Variants in NR6A1 observed in about 807,000 individuals in gnomAD.
The protein encoded by NR6A1 is retinoic acid receptor-related testis-associated receptor.
NR6A1 carries 7 observed loss-of-function variants against 59.1 expected under a neutral mutation model. That is an observed-to-expected ratio of 0.12 (90% CI 0.07 to 0.22). The LOEUF is 0.22. Ranked by LOEUF, NR6A1 falls within the 10% of genes least tolerant of loss-of-function variation. The pLI is 1.00. For missense variants in NR6A1, 468 were observed against 611.6 expected (o/e 0.77, Z 2.48); for synonymous variants, 243 against 236.1 (o/e 1.03, Z -0.27).
intron 1 of NR6A1, among the ~76,000 whole-genome samples, chr9:124,748,542 C>T (rs1434395726): frequency 6.6e-6 from 1 of 152,118 alleles, no homozygotes; most frequent in African/African-American, 2.4e-5. Flanking sequence ...ATAGGCATTT[C>T]CCCGATCTAA....
intron 2 of NR6A1, among the ~76,000 whole-genome samples, chr9:124,590,167 G>A (rs1330608068): frequency 1.3e-5 from 2 of 149,768 alleles, no homozygotes; most frequent in Admixed American, 6.7e-5. Flanking sequence ...TTTCGCTAAT[G>A]GTAAATAGGA....
At chr9:124,688,755 C>T (rs1411208188) in intron 2 of NR6A1, among the ~76,000 whole-genome samples, 1 of 152,142 alleles carries the variant, frequency 6.6e-6, no homozygotes, top group Non-Finnish European at 1.5e-5. Context: ...GACAAACCCA[C>T]CAAGGAGGTG....
chr9:124,523,162 T>G (rs1001088236), intron 9 of NR6A1, among the ~76,000 whole-genome samples: 2 of 152,240 alleles, frequency 1.3e-5, no homozygotes, highest in Non-Finnish European at 2.9e-5. Context: ...AAAACTTCTG[T>G]CCTGTTTTCT....
At chr9:124,754,231 T>C (rs961577210) in intron 1 of NR6A1, among the ~76,000 whole-genome samples, 8 of 152,320 alleles carry the variant, frequency 5.3e-5, no homozygotes, top group East Asian at 1.9e-4. Context: ...TTGTGAGTAA[T>C]AGGCACTTTA....
rs569947670 is a variant in NR6A1, at chr9:124,691,035, AT to A, written c.142+42272del. On this transcript the variant is annotated intron_variant, in intron 2 of 9. Coordinates refer to ENST00000487099, the MANE Select transcript of NR6A1 (RefSeq NM_033334.4). ...AAGGTTTGGTGAAGTCAAAATCAGT[AT>A]TTTTTTTAAAGTCTAAATATTTATC... 1.9e-3 allele frequency among the ~76,000 whole-genome samples: 294 copies of A among 152,180 alleles called. 2 individuals are homozygous for A. The highest frequency in any genetic ancestry group is 0.018 in the South Asian group (88 of 4,818).
intron 4 of NR6A1, among the ~76,000 whole-genome samples, chr9:124,541,757 A>G (rs1487738367): frequency 6.6e-6 from 1 of 152,258 alleles, no homozygotes; most frequent in Non-Finnish European, 1.5e-5. Context: ...ATTATTCAAA[A>G]TAGTCAAGAA....
At chr9:124,676,014 A>G (rs932693665) in intron 2 of NR6A1, among the ~76,000 whole-genome samples, 2 of 152,132 alleles carry the variant, frequency 1.3e-5, no homozygotes, top group African/African-American at 4.8e-5. Context: ...ATAGATACCC[A>G]CGCTAAGAGA....
In NR6A1 at chr9:124,679,009, C is replaced by A. The variant is rs1838043502; in HGVS notation, c.142+54299G>T. Among the ~76,000 whole-genome samples the A allele has an allele frequency of 5.3e-5, 8 of 152,014 alleles. No individual in the cohort carries two copies. In the South Asian group the frequency reaches 1.7e-3, roughly 32 times the overall value. On this transcript the variant is annotated intron_variant, in intron 2 of 9. Transcript: ENST00000487099. ...GGTAGGAGGTTTGCTTGGAAACTAG[C>A]CTAAGCAACACAGCAAGACCCCTGT...
At chr9:124,696,480 A>T (rs1162529522) in intron 2 of NR6A1, among the ~76,000 whole-genome samples, 1 of 151,490 alleles carries the variant, frequency 6.6e-6, no homozygotes, top group African/African-American at 2.4e-5. Flanking sequence ...ATTTATACTT[A>T]GAGAAAATAA....
intron 2 of NR6A1, among the ~76,000 whole-genome samples, chr9:124,667,939 A>T (rs1282216862): frequency 6.6e-6 from 1 of 152,202 alleles, no homozygotes; most frequent in African/African-American, 2.4e-5. Context: ...ATTTCCTTCT[A>T]GTCTCATTCA....
At chr9:124,753,537 T>A (rs1840561249) in intron 1 of NR6A1, among the ~76,000 whole-genome samples, 1 of 152,178 alleles carries the variant, frequency 6.6e-6, no homozygotes, top group South Asian at 2.1e-4. Context: ...GAGTAGTGGT[T>A]AGTAGAAGGT....
At chr9:124,588,369 G>A (rs1476100708) in intron 2 of NR6A1, among the ~76,000 whole-genome samples, 16 of 151,746 alleles carry the variant, frequency 1.1e-4, no homozygotes, top group Non-Finnish European at 1.5e-4. Context: ...GTACAGTGGC[G>A]CGATCTCCAC....
Position 124,565,668 on chromosome 9 carries a change from C to T in NR6A1, c.143-11098G>A, listed in dbSNP as rs145867485. Among the ~76,000 whole-genome samples the T allele has an allele frequency of 2.8e-3, 424 of 152,216 alleles. 3 individuals are homozygous for T. The highest frequency in any genetic ancestry group is 9.2e-3 in the African/African-American group (382 of 41,542). On this transcript the variant is annotated intron_variant, in intron 2 of 9. Transcript: ENST00000487099. ...CAACCCAGTAGAAAAATGTGTGAGA[C>T]TTGAATAGGTGTGCCACAAAGGAGG...
chr9:124,583,908 C>T (rs1344875889), intron 2 of NR6A1, among the ~76,000 whole-genome samples: 3 of 152,148 alleles, frequency 2.0e-5, no homozygotes, highest in African/African-American at 7.2e-5. Flanking sequence ...CCGAACACTT[C>T]ATTACACTTA....
chr9:124,601,897 G>A (rs1299721113), intron 2 of NR6A1, among the ~76,000 whole-genome samples: 1 of 149,446 alleles, frequency 6.7e-6, no homozygotes, highest in Non-Finnish European at 1.5e-5. Context: ...GCAGTGAACT[G>A]TGATCACGCC....
chr9:124,746,433 A>G (rs992407272), intron 1 of NR6A1, among the ~76,000 whole-genome samples: 16 of 152,116 alleles, frequency 1.1e-4, no homozygotes, highest in African/African-American at 3.9e-4. Context: ...TACTAAAAAT[A>G]CAAAACTTAG....
At chr9:124,654,029 G>C (rs187064735) in intron 2 of NR6A1, among the ~76,000 whole-genome samples, 11 of 152,280 alleles carry the variant, frequency 7.2e-5, no homozygotes, top group Non-Finnish European at 4.4e-5. Context: ...AGGCAACAGT[G>C]ATGTATGAAA....
chr9:124,616,402 C>CAA lies in NR6A1; in HGVS notation c.143-61834_143-61833dup, dbSNP rs71372978. On this transcript the variant is annotated intron_variant, in intron 2 of 9. Coordinates refer to ENST00000487099, the MANE Select transcript of NR6A1 (RefSeq NM_033334.4). ...TGGGCGACAAAGCGGGACTCCATCT[C>CAA]AAAAAAAAAAAAAAAAAAAGAAAAG... is the stretch of plus-strand genomic sequence containing the variant. 6.2e-3 allele frequency among the ~76,000 whole-genome samples: 426 copies of CAA among 68,264 alleles called. 1 individual carries two copies. Among genetic ancestry groups the CAA allele is most frequent in the Non-Finnish European group, 0.012 (346 of 29,284 alleles). The allele number at this position is 68,264 out of a possible 152,430, so 44.8% of individuals were successfully genotyped here.
chr9:124,632,419 T>A (rs1489763151), intron 2 of NR6A1, among the ~76,000 whole-genome samples: 1 of 152,226 alleles, frequency 6.6e-6, no homozygotes, highest in Non-Finnish European at 1.5e-5. Context: ...TAAGGATCAG[T>A]AATGTTGAGC....
Sources: allele counts gnomAD v4.1 joint callset (sites outside exome capture counted in the v4.1 genomes callset), GRCh38; gene constraint gnomAD v4.1.1; transcripts MANE v1.5; gene names NCBI Gene and HGNC (gene_info 2026-07-23, HGNC 2026-07-21).